KCNQ3: variants seen among roughly 807,000 people sequenced by gnomAD.
The protein encoded by KCNQ3 is potassium voltage-gated channel subfamily Q member 3.
Under a neutral mutation model 92.5 loss-of-function variants are expected in KCNQ3, and 30 were observed. The observed-to-expected ratio is 0.32, with a 90% confidence interval of 0.24 to 0.44. The LOEUF (loss-of-function observed/expected upper bound fraction) is 0.44. KCNQ3 is among the 20% of genes least tolerant of loss of function. The probability of loss-of-function intolerance (pLI) is 1.00; values close to 1 mark genes in which losing one functional copy is unlikely to be tolerated. For missense variants in KCNQ3, 913 were observed against 1,140.3 expected, an observed-to-expected ratio of 0.80 and a Z score of 2.87; for synonymous variants, 450 against 468.8, an observed-to-expected ratio of 0.96 and a Z score of 0.52.
chr8:132,187,057 T>A, intron 1 of KCNQ3: 1 of 401,272 alleles, frequency 2.5e-6, no homozygotes, highest in Non-Finnish European at 4.9e-6. Flanking sequence ...GGAGAGTCTT[T>A]GGCTTAGTTG....
intron 1 of KCNQ3, among the ~76,000 whole-genome samples, chr8:132,299,790 G>GTCTCAACCAA (rs60924628): frequency 0.75 from 113,054 of 151,504 alleles, 42,332 homozygotes; most frequent in East Asian, 0.91. Flanking sequence ...CTTTTCTGAG[G>GTCTCAACCAA]GCGGTATTTT....
chr8:132,139,930 T>C (rs991388401), intron 11 of KCNQ3, 146 bp downstream of exon 11: 7 of 618,900 alleles, frequency 1.1e-5, no homozygotes, highest in Non-Finnish European at 2.0e-5. Flanking sequence ...AGTATTTACA[T>C]ACTTCAGGGA....
intron 1 of KCNQ3, among the ~76,000 whole-genome samples, chr8:132,434,643 T>C (rs954998552): frequency 6.6e-6 from 1 of 152,202 alleles, no homozygotes; most frequent in Non-Finnish European, 1.5e-5. Context: ...TCAAAAGTTT[T>C]AAGCAAAATC....
At chr8:132,329,320 T>C (rs911687811) in intron 1 of KCNQ3, among the ~76,000 whole-genome samples, 2 of 152,194 alleles carry the variant, frequency 1.3e-5, no homozygotes, top group African/African-American at 4.8e-5. Flanking sequence ...CACCATGTGC[T>C]GCAACCCAGG....
At chr8:132,226,421 G>A (rs542625743) in intron 1 of KCNQ3, among the ~76,000 whole-genome samples, 21 of 152,300 alleles carry the variant, frequency 1.4e-4, no homozygotes, top group South Asian at 8.3e-4. Context: ...AAGTGTGGGC[G>A]CGCATGCGTG....
At chr8:132,371,899 T>C (rs1819481695) in intron 1 of KCNQ3, among the ~76,000 whole-genome samples, 1 of 152,180 alleles carries the variant, frequency 6.6e-6, no homozygotes, top group South Asian at 2.1e-4. Context: ...CACCCTTCCT[T>C]AGGCTGCGGC....
intron 10 of KCNQ3, chr8:132,140,807 C>T (rs1000486825): frequency 1.1e-5 from 4 of 377,494 alleles, no homozygotes; most frequent in Non-Finnish European, 2.0e-5. Context: ...CACCTGGCAC[C>T]GCCCCATCCT....
chr8:132,464,705 G>A (rs1822133172), intron 1 of KCNQ3, among the ~76,000 whole-genome samples: 1 of 152,204 alleles, frequency 6.6e-6, no homozygotes, highest in Non-Finnish European at 1.5e-5. Context: ...AATCTTCCCT[G>A]ATCCATTTAA....
chr8:132,476,614 G>A (rs920024227), intron 1 of KCNQ3, among the ~76,000 whole-genome samples: 8 of 152,130 alleles, frequency 5.3e-5, no homozygotes, highest in South Asian at 4.1e-4. Context: ...AATTTCTCCC[G>A]TTTGCAATGG....
At chr8:132,283,567 A>G (rs1816594408) in intron 1 of KCNQ3, among the ~76,000 whole-genome samples, 1 of 152,236 alleles carries the variant, frequency 6.6e-6, no homozygotes, top group Non-Finnish European at 1.5e-5. Flanking sequence ...ATCATCAGCA[A>G]TGGAGGTCAG....
rs1215912949 is a variant in KCNQ3, at chr8:132,184,322, T to C, written c.523A>G (p.Ile175Val). The change falls in exon 3 of 15, where the codon ATC becomes GTC. Residue 175 changes from isoleucine to valine, a missense_variant. Physicochemically the swap from Ile to Val is conservative, Grantham distance 29. This residue lies in a region of KCNQ3 where 100 missense variants were observed against 217.6 expected (regional missense o/e 0.46). Coordinates refer to ENST00000388996, the MANE Select transcript of KCNQ3 (RefSeq NM_004519.4). ...FIFGAEFALR[I>V]WAAGCCCRYK... is the part of the protein sequence containing the mutation. ...CGGCAGCAACATCCAGCAGCCCAGA[T>C]CCTCAAAGCAAACTCGGCTCCAAAG... 1.2e-6 allele frequency: 2 copies of C among 1,614,108 alleles called. No homozygotes were observed. Among genetic ancestry groups the C allele is most frequent in the East Asian group, 2.2e-5 (1 of 44,868 alleles).
At chr8:132,197,792 C>T (rs1827343463) in intron 1 of KCNQ3, among the ~76,000 whole-genome samples, 2 of 151,876 alleles carry the variant, frequency 1.3e-5, no homozygotes, top group African/African-American at 4.8e-5. Flanking sequence ...ATTAAACATC[C>T]AAAAGTTTCA....
rs1825283056 is a variant in KCNQ3, at chr8:132,141,137, C to T, written c.1457G>A (p.Ser486Asn). The T allele has an allele frequency of 1.2e-6, 2 of 1,614,148 alleles. No individual in the cohort carries two copies. Among genetic ancestry groups the T allele is most frequent in the Non-Finnish European group, 1.7e-6 (2 of 1,179,990 alleles). ...AGATAAAAAGGCATTACCTTCAGAA[C>T]TCTGCCAGAAAGCGTAGGCTTTCAT... ...FRMKAYAFWQ[S>N]SEDAGTGDPM... The change falls in exon 10 of 15, where the codon AGT becomes AAT. Residue 486 changes from serine (S) to asparagine (N), a missense_variant. Physicochemically the swap from Ser to Asn is conservative, Grantham distance 46. Coordinates refer to ENST00000388996, the MANE Select transcript of KCNQ3 (RefSeq NM_004519.4).
chr8:132,283,793 T>A (rs1016049936), intron 1 of KCNQ3, among the ~76,000 whole-genome samples: 1 of 152,264 alleles, frequency 6.6e-6, no homozygotes, highest in African/African-American at 2.4e-5. Flanking sequence ...AAGCTGGGAA[T>A]TTCTGACATC....
At chr8:132,222,230 C>G (rs1814262491) in intron 1 of KCNQ3, among the ~76,000 whole-genome samples, 1 of 152,152 alleles carries the variant, frequency 6.6e-6, no homozygotes, top group African/African-American at 2.4e-5. Context: ...TGAGGTAAAT[C>G]CGTCTCTAAA....
rs113283885 is a variant in KCNQ3, at chr8:132,171,433, T to A, written c.1141-1005A>T. ...TTTCCTATTCACTGTGCCCTCATCCTCCAATAACCCATTAAAACAAAGCAG... is the reference window on the plus strand; with the variant it reads ...TTTCCTATTCACTGTGCCCTCATCCACCAATAACCCATTAAAACAAAGCAG... On this transcript the variant is annotated intron_variant, in intron 7 of 14. Transcript: ENST00000388996. Among the ~76,000 whole-genome samples the A allele has an allele frequency of 6.6e-3, 1,006 of 152,178 alleles. 9 individuals are homozygous for A. Among genetic ancestry groups the A allele is most frequent in the African/African-American group, 0.023 (948 of 41,512 alleles).
In KCNQ3 at chr8:132,303,662, G is replaced by GTGTGTGTGTA. The variant is rs1817314725; in HGVS notation, c.387-117482_387-117481insTACACACACA. Among the ~76,000 whole-genome samples the GTGTGTGTGTA allele has an allele frequency of 7.4e-5, 3 of 40,436 alleles. No individual in the cohort carries two copies. In the African/African-American group the frequency reaches 7.6e-4, roughly 10 times the overall value. The allele number at this position is 40,436 out of a possible 152,430, so 26.5% of individuals were successfully genotyped here. ...ATATATATATATATATTTATGGTGTGTGTGTATATATATATACACACACAC... is the reference window on the plus strand; with the variant it reads ...ATATATATATATATATTTATGGTGTGTGTGTGTGTATGTGTATATATATATACACACACAC... On this transcript the variant is annotated intron_variant, in intron 1 of 14. Transcript: ENST00000388996.
intron 9 of KCNQ3, among the ~76,000 whole-genome samples, chr8:132,145,184 G>A (rs1170694042): frequency 1.3e-5 from 2 of 152,262 alleles, no homozygotes; most frequent in South Asian, 4.1e-4. Context: ...ATAGTGCTGA[G>A]GTTGAAAAAC....
At chr8:132,468,327 T>C (rs911907818) in intron 1 of KCNQ3, among the ~76,000 whole-genome samples, 1 of 152,158 alleles carries the variant, frequency 6.6e-6, no homozygotes, top group Non-Finnish European at 1.5e-5. Flanking sequence ...CTGGGCTAGA[T>C]GAGTATATTC....
Sources: allele counts gnomAD v4.1 joint callset (sites outside exome capture counted in the v4.1 genomes callset), GRCh38; gene constraint gnomAD v4.1.1; regional missense constraint gnomAD v4.1.1; transcripts MANE v1.5; gene names NCBI Gene and HGNC (gene_info 2026-07-23, HGNC 2026-07-21).